Variants in RERE observed in about 807,000 individuals in gnomAD.
The protein encoded by RERE is arginine-glutamic acid dipeptide repeats protein.
Under a neutral mutation model 146.1 loss-of-function variants are expected in RERE, and 40 were observed. The ratio of observed to expected loss-of-function variants is 0.27; its 90% confidence interval spans 0.21 to 0.36. The LOEUF is 0.36. RERE is among the 10% of genes least tolerant of loss of function. The pLI is 1.00. For synonymous variants in RERE, 1,003 were observed against 866.0 expected (o/e 1.16, Z -2.78); for missense variants, 1,933 against 2,138.7 (o/e 0.90, Z 1.90).
intron 12 of RERE, among the ~76,000 whole-genome samples, chr1:8,390,433 T>C (rs1347360950): frequency 6.6e-6 from 1 of 152,204 alleles, no homozygotes; most frequent in Non-Finnish European, 1.5e-5. Context: ...GGGTAGGCTC[T>C]TCCCCTGCCC....
At position 8,361,418 on chromosome 1, in the gene RERE, C is replaced by A; in HGVS notation, c.2089G>T (p.Gly697Cys). 6.2e-7 allele frequency: 1 copy of A among 1,613,892 alleles called. No individual in the cohort carries two copies. The highest frequency in any genetic ancestry group is 2.2e-5 in the East Asian group (1 of 44,878). The change falls in exon 18 of 23, where the codon GGT becomes TGT. Residue 697 changes from glycine (G) to cysteine (C), a missense_variant. Transcript: ENST00000400908. ...SSDSRSVNDE[G>C]SSDPKDIDQD... ...TCGATGTCTTTGGGGTCACTGCTAC[C>A]CTCATCGTTGACGCTGCGACTGTCT...
chr1:8,396,370 T>C (rs1426449839), intron 12 of RERE, among the ~76,000 whole-genome samples: 1 of 152,160 alleles, frequency 6.6e-6, no homozygotes, highest in African/African-American at 2.4e-5. Context: ...ACAAAGTACC[T>C]GCCCTCCTGG....
At chr1:8,582,415 C>CT (rs752263040) in intron 4 of RERE, among the ~76,000 whole-genome samples, 1,509 of 128,236 alleles carry the variant, frequency 0.012, 23 homozygotes, top group African/African-American at 0.028. Flanking sequence ...AACTTTTTTT[C>CT]TTTTTTTTTT....
chr1:8,439,987 T>C (rs1463588156), intron 11 of RERE, among the ~76,000 whole-genome samples: 5 of 151,956 alleles, frequency 3.3e-5, no homozygotes, highest in Admixed American at 3.3e-4. Flanking sequence ...GGCAGGAGAA[T>C]TGCTTCAACC....
At chr1:8,721,663 C>T (rs1379035592) in intron 1 of RERE, among the ~76,000 whole-genome samples, 1 of 152,114 alleles carries the variant, frequency 6.6e-6, no homozygotes, top group African/African-American at 2.4e-5. Flanking sequence ...CTGACCAGGA[C>T]CAATGGGATT....
At chr1:8,753,523 C>T (rs189606835) in intron 1 of RERE, 1 of 152,122 alleles carries the variant, frequency 6.6e-6, no homozygotes, top group African/African-American at 2.4e-5. Flanking sequence ...TTTAAAATGT[C>T]AACTCATCAA....
intron 4 of RERE, among the ~76,000 whole-genome samples, chr1:8,559,480 T>G (rs1646052896): frequency 6.6e-6 from 1 of 151,984 alleles, no homozygotes; most frequent in African/African-American, 2.4e-5. Context: ...TTTATGCATT[T>G]TATGCCTTTA....
At chr1:8,693,653 T>C (rs1219017271) in intron 1 of RERE, among the ~76,000 whole-genome samples, 1 of 152,172 alleles carries the variant, frequency 6.6e-6, no homozygotes, top group Non-Finnish European at 1.5e-5. Flanking sequence ...CTCTTCTATA[T>C]GATATTGTAA....
At chr1:8,639,195 C>T (rs1275509904) in intron 2 of RERE, among the ~76,000 whole-genome samples, 1 of 152,038 alleles carries the variant, frequency 6.6e-6, no homozygotes, top group Non-Finnish European at 1.5e-5. Flanking sequence ...ATTACAGAAG[C>T]TAAGTTAGAG....
intron 12 of RERE, among the ~76,000 whole-genome samples, chr1:8,382,664 T>C (rs1316174051): frequency 6.6e-6 from 1 of 151,814 alleles, no homozygotes; most frequent in Non-Finnish European, 1.5e-5. Flanking sequence ...CTTCTGAGGC[T>C]TACCTCTCTC....
At chr1:8,584,046 G>C (rs1302144058) in intron 4 of RERE, among the ~76,000 whole-genome samples, 1 of 151,916 alleles carries the variant, frequency 6.6e-6, no homozygotes, top group Non-Finnish European at 1.5e-5. Context: ...AATTATACCA[G>C]ATATTAGACA....
chr1:8,680,693 T>C (rs1638945105), intron 1 of RERE, among the ~76,000 whole-genome samples: 4 of 152,152 alleles, frequency 2.6e-5, no homozygotes, highest in Admixed American at 2.6e-4. Flanking sequence ...AAATGGGTCC[T>C]TTAGAGAAAA....
At chr1:8,419,794 G>A (rs1212485152) in intron 12 of RERE, among the ~76,000 whole-genome samples, 1 of 152,216 alleles carries the variant, frequency 6.6e-6, no homozygotes, top group Non-Finnish European at 1.5e-5. Context: ...TAAGGTTCCA[G>A]AGCAAGTAAG....
At chr1:8,743,714 A>C (rs746001458) in intron 1 of RERE, among the ~76,000 whole-genome samples, 8 of 152,066 alleles carry the variant, frequency 5.3e-5, no homozygotes, top group Non-Finnish European at 1.0e-4. Context: ...CTCTACCAAG[A>C]CTGATCTTTC....
intron 7 of RERE, among the ~76,000 whole-genome samples, chr1:8,521,185 A>AAAG (rs1645493809): frequency 7.4e-6 from 1 of 135,788 alleles, no homozygotes; most frequent in African/African-American, 2.7e-5. Flanking sequence ...TCAAAAAAAA[A>AAAG]AAAAAAAAGA....
intron 1 of RERE, among the ~76,000 whole-genome samples, chr1:8,762,656 C>T (rs1569738929): frequency 1.3e-5 from 2 of 152,306 alleles, no homozygotes; most frequent in South Asian, 4.1e-4. Flanking sequence ...TTTGGTCCTT[C>T]TGGATGAAGC....
intron 12 of RERE, among the ~76,000 whole-genome samples, chr1:8,372,616 C>G (rs550197310): frequency 6.6e-6 from 1 of 152,048 alleles, no homozygotes; most frequent in East Asian, 1.9e-4. Flanking sequence ...ATTCAGTTCA[C>G]AGAGAACAGT....
rs1270500484 is a variant in RERE at position 8,422,741 on chromosome 1, G to C, written c.1270C>G (p.Pro424Ala). 1 of 1,612,958 alleles carries C rather than the reference G, an allele frequency of 6.2e-7. No individual in the cohort carries two copies. The highest frequency in any genetic ancestry group is 2.2e-5 in the East Asian group (1 of 44,874). The change falls in exon 12 of 23, where the codon CCC becomes GCC. Residue 424 changes from proline to alanine, a missense_variant. This residue lies in a region of RERE where 260 missense variants were observed against 378.4 expected (regional missense o/e 0.69). Transcript: ENST00000400908. ...ATTGTACTCACTGTTTCCTTATTGG[G>C]AAGCAGCTCCTTTCTAATTCTGAAG... is the stretch of plus-strand genomic sequence containing the variant. The part of the protein sequence containing the change: ...NFFRIRKELL[P>A]NKETGELITF...
At chr1:8,393,823 G>C (rs560569930) in intron 12 of RERE, among the ~76,000 whole-genome samples, 5 of 152,074 alleles carry the variant, frequency 3.3e-5, no homozygotes, top group Non-Finnish European at 7.4e-5. Context: ...AAACTATATA[G>C]AGTTGAAAAT....
Sources: allele counts gnomAD v4.1 joint callset (sites outside exome capture counted in the v4.1 genomes callset), GRCh38; gene constraint gnomAD v4.1.1; regional missense constraint gnomAD v4.1.1; transcripts MANE v1.5; gene names NCBI Gene and HGNC (gene_info 2026-07-23, HGNC 2026-07-21).